Variants in MTDH observed in about 807,000 individuals in gnomAD.
The protein encoded by MTDH is protein LYRIC.
Under a neutral mutation model 72.7 loss-of-function variants are expected in MTDH, and 34 were observed. The ratio of observed to expected loss-of-function variants is 0.47; its 90% CI spans 0.36 to 0.62. The LOEUF (loss-of-function observed/expected upper bound fraction) is 0.62, where lower values mean the gene tolerates loss of function less well. Among genes scored for constraint, MTDH ranks in the 20% least tolerant of loss-of-function variants. The pLI is 0.00. For missense variants in MTDH, 677 were observed against 699.4 expected (o/e 0.97, Z 0.36); for synonymous variants, 266 against 268.9 (o/e 0.99, Z 0.10).
At chr8:97,705,635 A>C (rs1344667669) in intron 7 of MTDH, among the ~76,000 whole-genome samples, 2 of 152,180 alleles carry the variant, frequency 1.3e-5, no homozygotes, top group Non-Finnish European at 2.9e-5. Context: ...AGTGTTTGAT[A>C]AGAGTAGCAT....
At position 97,697,150 on chromosome 8, in the gene MTDH, A is replaced by ATATTTTTT; in HGVS notation, c.1049-2603_1049-2602insATTTTTTT. Among the ~76,000 whole-genome samples, 121 of 68,718 alleles carry ATATTTTTT rather than the reference A, an allele frequency of 1.8e-3. 4 individuals are homozygous for ATATTTTTT. The highest frequency in any genetic ancestry group is 0.011 in the African/African-American group (117 of 10,900). 45.1% of individuals were successfully genotyped at this position (68,718 alleles called of 152,430 possible). A position where few individuals can be genotyped will look rare whatever the true frequency, so the allele number is the denominator to read the frequency against. ...AAAAAATATATATATATATATATAT[A>ATATTTTTT]TTTTTTTTTTGTGGACCCAGTTTAC... On this transcript the variant is annotated intron_variant, in intron 6 of 11. Transcript: ENST00000336273.
At chr8:97,669,469 C>G (rs1812524819) in intron 2 of MTDH, among the ~76,000 whole-genome samples, 2 of 151,910 alleles carry the variant, frequency 1.3e-5, no homozygotes, top group African/African-American at 4.8e-5. Context: ...AATTTTAGAA[C>G]ATTTTCCTCA....
intron 6 of MTDH, 113 bp from the exon 7 acceptor site, chr8:97,699,640 CT>C: frequency 3.3e-6 from 2 of 610,534 alleles, no homozygotes; most frequent in Non-Finnish European, 5.6e-6. Context: ...TGAATTTTTC[CT>C]TTTAGGAGAA....
chr8:97,719,110 G>A lies in MTDH; in HGVS notation c.1442G>A (p.Arg481His), dbSNP rs143317071. 162 of 1,613,940 alleles carry A rather than the reference G, an allele frequency of 1.0e-4. No homozygotes were observed. The highest frequency in any genetic ancestry group is 1.6e-4 in the Middle Eastern group (1 of 6,062). Residue 481 changes from arginine (R) to histidine (H), a missense_variant, in exon 10 of 12, where the codon CGT becomes CAT. Arg to His is a conservative substitution (Grantham distance 29, BLOSUM62 0). Coordinates refer to ENST00000336273, the MANE Select transcript of MTDH (RefSeq NM_178812.4). ...CTTCCAGTGAATACCTCTAAAACCCGTCCAAAACAGGAAAAAGCTTTTTCC... is the reference window on the plus strand; with the variant it reads ...CTTCCAGTGAATACCTCTAAAACCCATCCAAAACAGGAAAAAGCTTTTTCC... The part of the protein sequence containing the change: ...EDLPVNTSKT[R>H]PKQEKAFSLK...
chr8:97,662,542 T>C (rs1812213843), intron 2 of MTDH, among the ~76,000 whole-genome samples: 1 of 151,782 alleles, frequency 6.6e-6, no homozygotes, highest in Non-Finnish European at 1.5e-5. Context: ...TCCCAGCACT[T>C]TGGGAGCCCA....
At position 97,729,931 on chromosome 8, in the gene MTDH, C is replaced by T. The variant is rs2449515; in HGVS notation, c.*5261C>T. Among the ~76,000 whole-genome samples the T allele has an allele frequency of 0.097, 14,703 of 152,162 alleles. 1,045 individuals carry two copies. Among genetic ancestry groups the T allele is most frequent in the East Asian group, 0.3 (1,529 of 5,162 alleles). On this transcript the variant is annotated 3_prime_UTR_variant, in exon 12 of 12. Transcript: ENST00000336273. Reference sequence around the variant, plus strand: ...TATAACAAGTTGAAAGAGAATCACCCTGGTATATAATATTTTAAAACATGA... The same window carrying T: ...TATAACAAGTTGAAAGAGAATCACCTTGGTATATAATATTTTAAAACATGA...
chr8:97,719,144 C>G lies in MTDH; in HGVS notation c.1476C>G (p.Thr492=). The change falls in exon 10 of 12, where the codon ACC becomes ACG. Residue 492 remains threonine, a synonymous_variant. Coordinates refer to ENST00000336273, the MANE Select transcript of MTDH (RefSeq NM_178812.4). ...PKQEKAFSLK[T]ISTSDPAEVL... ...AGGAAAAAGCTTTTTCCTTGAAGACCATAAGCACTAGTGATCCAGCCGAAG... is the reference window on the plus strand; with the variant it reads ...AGGAAAAAGCTTTTTCCTTGAAGACGATAAGCACTAGTGATCCAGCCGAAG... 1 of 1,613,868 alleles carries G rather than the reference C, an allele frequency of 6.2e-7. No individual in the cohort carries two copies. The highest frequency in any genetic ancestry group is 8.5e-7 in the Non-Finnish European group (1 of 1,179,960).
At chr8:97,685,881 A>G (rs1011388143) in intron 2 of MTDH, among the ~76,000 whole-genome samples, 1 of 152,210 alleles carries the variant, frequency 6.6e-6, no homozygotes, top group Non-Finnish European at 1.5e-5. Context: ...TTTTGGAAGC[A>G]CTTATTGAAA....
chr8:97,710,221 G>A (rs893731874), intron 8 of MTDH, among the ~76,000 whole-genome samples: 5 of 152,046 alleles, frequency 3.3e-5, no homozygotes, highest in Non-Finnish European at 7.3e-5. Context: ...CTGGTAGTTC[G>A]TGAGACCACC....
chr8:97,718,720 T>C lies in MTDH; in HGVS notation c.1381-329T>C, dbSNP rs571312531. ...TTTGTAGTTTTGGGTTTTTTTTTTT[T>C]CTTTGAGACAGAATCACCCAGCCTG... is the stretch of plus-strand genomic sequence containing the variant. On this transcript the variant is annotated intron_variant, in intron 9 of 11. Transcript: ENST00000336273. Among the ~76,000 whole-genome samples, 215 of 151,592 alleles carry C rather than the reference T, an allele frequency of 1.4e-3. 1 individual carries two copies. The highest frequency in any genetic ancestry group is 4.7e-3 in the African/African-American group (194 of 41,386).
intron 3 of MTDH, among the ~76,000 whole-genome samples, chr8:97,687,116 A>G (rs1192763983): frequency 6.6e-6 from 1 of 152,160 alleles, no homozygotes; most frequent in Non-Finnish European, 1.5e-5. Context: ...GATTATATAT[A>G]ATACTCCTGT....
At chr8:97,679,114 T>C (rs1348000905) in intron 2 of MTDH, among the ~76,000 whole-genome samples, 1 of 152,190 alleles carries the variant, frequency 6.6e-6, no homozygotes, top group Non-Finnish European at 1.5e-5. Context: ...TGACTAATGA[T>C]GTGATTTGGG....
chr8:97,696,562 C>T lies in MTDH; in HGVS notation c.1049-3192C>T, dbSNP rs73696703. Among the ~76,000 whole-genome samples, 1,264 of 152,228 alleles carry T rather than the reference C, an allele frequency of 8.3e-3. 19 individuals carry two copies. Among genetic ancestry groups the T allele is most frequent in the African/African-American group, 0.029 (1,193 of 41,528 alleles). ...AGACAAATACACATGCAAGGCCTTC[C>T]ATTCAGGTTCATATTCTTCTGTTGC... On this transcript the variant is annotated intron_variant, in intron 6 of 11. Transcript: ENST00000336273.
intron 2 of MTDH, among the ~76,000 whole-genome samples, chr8:97,671,892 A>C (rs1812640558): frequency 1.3e-5 from 2 of 152,166 alleles, no homozygotes; most frequent in Admixed American, 1.3e-4. Context: ...ACATTTTAGG[A>C]ATCTAAAAGA....
chr8:97,686,687 A>G lies in MTDH; in HGVS notation c.503A>G (p.Lys168Arg). Residue 168 changes from lysine to arginine, a missense_variant, in exon 3 of 12, where the codon AAA becomes AGA. Coordinates refer to ENST00000336273, the MANE Select transcript of MTDH (RefSeq NM_178812.4). The part of the protein sequence containing the change: ...KNEKSKKNKK[K>R]SKSDAKAVQN... ...TTTCAGTCAAAGAAAAATAAGAAGAAATCAAAGTCAGATGCTAAAGCAGTG... is the reference window on the plus strand; with the variant it reads ...TTTCAGTCAAAGAAAAATAAGAAGAGATCAAAGTCAGATGCTAAAGCAGTG... The G allele has an allele frequency of 6.3e-7, 1 of 1,577,076 alleles. No individual in the cohort carries two copies. Among genetic ancestry groups the G allele is most frequent in the Non-Finnish European group, 8.6e-7 (1 of 1,164,114 alleles).
At chr8:97,676,866 G>A (rs532071714) in intron 2 of MTDH, among the ~76,000 whole-genome samples, 9 of 151,818 alleles carry the variant, frequency 5.9e-5, no homozygotes, top group South Asian at 2.1e-4. Flanking sequence ...TTAGCTGGGC[G>A]TGGTGGCACA....
At chr8:97,665,463 G>T (rs1011776735) in intron 2 of MTDH, among the ~76,000 whole-genome samples, 1 of 152,156 alleles carries the variant, frequency 6.6e-6, no homozygotes, top group African/African-American at 2.4e-5. Context: ...CTTACCCTCA[G>T]ATTACAGGCT....
Position 97,713,716 on chromosome 8 carries a change from A to C in MTDH, c.1327A>C (p.Lys443Gln), listed in dbSNP as rs749792525. The change falls in exon 9 of 12, where the codon AAA (lysine) becomes CAA (glutamine). Residue 443 changes from lysine to glutamine, a missense_variant. By Grantham distance (53) the Lys-to-Gln change is moderately conservative. Coordinates refer to ENST00000336273, the MANE Select transcript of MTDH (RefSeq NM_178812.4). ...GEGALPTGKS[K>Q]KKKKKKKKQG... ...GGGAGCTCTTCCAACTGGGAAATCC[A>C]AAAAGAAAAAAAAGAAAAAGAAGAA... 1 of 1,608,490 alleles carries C rather than the reference A, an allele frequency of 6.2e-7. No individual in the cohort carries two copies. Among genetic ancestry groups the C allele is most frequent in the Admixed American group, 1.7e-5 (1 of 59,084 alleles).
intron 1 of MTDH, among the ~76,000 whole-genome samples, chr8:97,657,985 C>T (rs981937616): frequency 1.3e-5 from 2 of 152,202 alleles, no homozygotes; most frequent in Non-Finnish European, 2.9e-5. Context: ...GCCTTCTCGA[C>T]CAGCTGTTGG....
Sources: allele counts gnomAD v4.1 joint callset (sites outside exome capture counted in the v4.1 genomes callset), GRCh38; gene constraint gnomAD v4.1.1; transcripts MANE v1.5; gene names NCBI Gene and HGNC (gene_info 2026-07-23, HGNC 2026-07-21).